TTLL4: variants seen among roughly 807,000 people sequenced by gnomAD.
TTLL4 encodes tubulin tyrosine ligase like 4.
In TTLL4, 85 loss-of-function variants were observed where a neutral mutation model predicts 122.7. The observed-to-expected ratio is 0.69, with a 90% CI of 0.58 to 0.83. The LOEUF (loss-of-function observed/expected upper bound fraction) is 0.83. Among genes scored for constraint, TTLL4 ranks in the 40% least tolerant of loss-of-function variants. TTLL4 has a pLI of 0.00. For synonymous variants in TTLL4, 553 were observed against 563.0 expected (o/e 0.98, Z 0.25); for missense variants, 1,363 against 1,488.6 (o/e 0.92, Z 1.39).
At chr2:218,752,040 TG>T (rs1355935595) in intron 16 of TTLL4, among the ~76,000 whole-genome samples, 1 of 152,026 alleles carries the variant, frequency 6.6e-6, no homozygotes, top group Non-Finnish European at 1.5e-5. Context: ...CCCGAGTAGC[TG>T]GGATTAGAGG....
At chr2:218,749,946 A>T (rs1333973621) in intron 14 of TTLL4, 63 bp from the exon 15 acceptor site, 1 of 1,583,348 alleles carries the variant, frequency 6.3e-7, no homozygotes, top group Non-Finnish European at 8.6e-7. Flanking sequence ...CCTGAGTTGC[A>T]CATATGACCA....
chr2:218,747,948 C>G lies in TTLL4; in HGVS notation c.2379-157C>G, dbSNP rs1942893755. 1 of 1,206,104 alleles carries G rather than the reference C, an allele frequency of 8.3e-7. No homozygotes were observed. Among genetic ancestry groups the G allele is most frequent in the African/African-American group, 1.5e-5 (1 of 65,928 alleles). 74.7% of individuals were successfully genotyped at this position (1,206,104 alleles called of 1,614,324 possible). A position where few individuals can be genotyped will look rare whatever the true frequency, so the allele number is the denominator to read the frequency against. On this transcript the variant is annotated intron_variant, in intron 11 of 19. Coordinates refer to ENST00000392102, the MANE Select transcript of TTLL4 (RefSeq NM_014640.5). This position sits in a 1 kb window ranked among gnomAD's most constrained non-coding sequence, Gnocchi z 4.7. ...GGAGATGAGTTTAGCTGTGGTTTTT[C>G]AGAACTTTGCCAGTAGACACACTTC...
intron 18 of TTLL4, 131 bp downstream of exon 18, chr2:218,753,316 C>T (rs1485384585): frequency 2.1e-5 from 22 of 1,058,040 alleles, no homozygotes; most frequent in Non-Finnish European, 3.2e-5. Flanking sequence ...TTCTGTCTCA[C>T]CATTCTTTCC....
chr2:218,716,654 T>G (rs897939377), intron 1 of TTLL4, among the ~76,000 whole-genome samples: 1 of 152,020 alleles, frequency 6.6e-6, no homozygotes, highest in African/African-American at 2.4e-5. Context: ...CCGGGCGTGG[T>G]AGTAAGTGCC....
At chr2:218,719,104 C>CA (rs1330474820) in intron 1 of TTLL4, among the ~76,000 whole-genome samples, 1 of 152,002 alleles carries the variant, frequency 6.6e-6, no homozygotes, top group Admixed American at 6.6e-5. Context: ...GTTTCTAAGT[C>CA]AATTTTTTAA....
At chr2:218,749,045 G>A in intron 13 of TTLL4, 111 bp downstream of exon 13, 2 of 1,345,046 alleles carry the variant, frequency 1.5e-6, no homozygotes, top group Non-Finnish European at 2.1e-6. Flanking sequence ...TTGGTTTTAA[G>A]GACAGAGAAT....
At chr2:218,756,371 G>A (rs934079902), downstream of TTLL4, among the ~76,000 whole-genome samples, 3 of 152,110 alleles carry the variant, frequency 2.0e-5, no homozygotes, top group African/African-American at 7.2e-5. Flanking sequence ...GAAGGACTTA[G>A]GAAATTAAGT....
chr2:218,715,630 C>CT (rs869275078), intron 1 of TTLL4, among the ~76,000 whole-genome samples: 192 of 147,836 alleles, frequency 1.3e-3, no homozygotes, highest in Non-Finnish European at 1.8e-3. Flanking sequence ...GAATGATAAT[C>CT]TTTTTTTTTT....
chr2:218,730,933 A>G (rs896363735), intron 2 of TTLL4, among the ~76,000 whole-genome samples: 2 of 151,856 alleles, frequency 1.3e-5, no homozygotes, highest in Non-Finnish European at 2.9e-5. Flanking sequence ...GTGGAACTCT[A>G]TTGCTATAAA....
chr2:218,754,235 C>G lies in TTLL4; in HGVS notation c.3446C>G (p.Pro1149Arg). The G allele has an allele frequency of 6.2e-7, 1 of 1,614,202 alleles. No individual in the cohort carries two copies. Among genetic ancestry groups the G allele is most frequent in the Non-Finnish European group, 8.5e-7 (1 of 1,180,050 alleles). The change falls in exon 20 of 20, where the codon CCC becomes CGC. Residue 1149 changes from proline to arginine, a missense_variant. Around this residue, in one of 3 missense-constraint regions of TTLL4, gnomAD observed 596 missense variants for 655.8 expected, o/e 0.91. Transcript: ENST00000392102. Reference sequence around the variant, plus strand: ...GGCCTTTCCCCTTATCCCCAGAAACCCAGTTCCTCAAAGGACAGTGAGGAC... The same window carrying G: ...GGCCTTTCCCCTTATCCCCAGAAACGCAGTTCCTCAAAGGACAGTGAGGAC... ...QAGLSPYPQK[P>R]SSSKDSEDTS...
chr2:218,755,739 G>T (rs2106469549), downstream of TTLL4, among the ~76,000 whole-genome samples: 1 of 152,260 alleles, frequency 6.6e-6, no homozygotes, highest in Admixed American at 6.5e-5. Context: ...TCAGCTACTT[G>T]GTCTCACCCT....
chr2:218,756,309 GAA>G (rs1943150584), downstream of TTLL4, among the ~76,000 whole-genome samples: 1 of 152,122 alleles, frequency 6.6e-6, no homozygotes, highest in South Asian at 2.1e-4. Context: ...ACTGGAGAGG[GAA>G]CCAGCATTGC....
At chr2:218,720,989 A>G (rs1165484509) in intron 1 of TTLL4, among the ~76,000 whole-genome samples, 2 of 152,168 alleles carry the variant, frequency 1.3e-5, no homozygotes, top group Admixed American at 1.3e-4. Context: ...TAAAAACCCA[A>G]AAGGACAGGG....
At chr2:218,712,631 C>T (rs964040818) in intron 1 of TTLL4, among the ~76,000 whole-genome samples, 2 of 152,090 alleles carry the variant, frequency 1.3e-5, no homozygotes, top group Non-Finnish European at 2.9e-5. Flanking sequence ...TCGTGATTCA[C>T]CCGCCTCGGC....
At chr2:218,753,691 G>C in intron 19 of TTLL4, 22 bp downstream of exon 19, 1 of 1,613,074 alleles carries the variant, frequency 6.2e-7, no homozygotes, top group Non-Finnish European at 8.5e-7. Context: ...CTGGGCAAGG[G>C]AGGGGCTGCT....
intron 2 of TTLL4, among the ~76,000 whole-genome samples, chr2:218,734,137 A>G (rs1942452844): frequency 6.6e-6 from 1 of 152,196 alleles, no homozygotes; most frequent in Admixed American, 6.5e-5. Flanking sequence ...AGGCACTGCT[A>G]CTTATTGGTT....
rs1943123395 is a variant in TTLL4, at chr2:218,754,992, C to T, written c.*603C>T. 6.5e-6 allele frequency: 1 copy of T among 154,828 alleles called. No individual in the cohort carries two copies. The highest frequency in any genetic ancestry group is 6.3e-5 in the Admixed American group (1 of 15,780). 9.6% of individuals were successfully genotyped at this position (154,828 alleles called of 1,614,324 possible). A position where few individuals can be genotyped will look rare whatever the true frequency, so the allele number is the denominator to read the frequency against. ...TCCAAATACCCACCCTGCCAGCAGC[C>T]CTAGGTCTTCCTGTTCTGACCCCCC... On this transcript the variant is annotated 3_prime_UTR_variant, in exon 20 of 20. Transcript: ENST00000392102.
Position 218,738,962 on chromosome 2 carries a change from G to T in TTLL4, c.1286G>T (p.Ser429Ile). The change falls in exon 3 of 20, where the codon AGT (serine) becomes ATT (isoleucine). Residue 429 changes from serine to isoleucine, a missense_variant. Transcript: ENST00000392102. ...ISIHLLASHA[S>I]GLNHNPACES... ...ATTCACCTCCTTGCCTCACATGCCAGTGGGCTCAATCACAACCCTGCCTGT... is the reference window on the plus strand; with the variant it reads ...ATTCACCTCCTTGCCTCACATGCCATTGGGCTCAATCACAACCCTGCCTGT... 1 of 1,614,210 alleles carries T rather than the reference G, an allele frequency of 6.2e-7. No individual in the cohort carries two copies.
Position 218,738,957 on chromosome 2 carries a change from T to TG in TTLL4, c.1282dup (p.Ala428GlyfsTer11). ...TCAGCATTCACCTCCTTGCCTCACA[T>TG]GCCAGTGGGCTCAATCACAACCCTG... On this transcript the variant is annotated frameshift_variant, in exon 3 of 20. Coordinates refer to ENST00000392102, the MANE Select transcript of TTLL4 (RefSeq NM_014640.5). LOFTEE classifies it high-confidence loss of function. 6.2e-7 allele frequency: 1 copy of TG among 1,614,218 alleles called. No homozygotes were observed. The highest frequency in any genetic ancestry group is 8.5e-7 in the Non-Finnish European group (1 of 1,180,040).
Sources: gnomAD v4.1 joint callset for allele counts (sites outside exome capture counted in the v4.1 genomes callset) on GRCh38, gnomAD v4.1.1 for gene constraint, gnomAD v4.1.1 regional missense constraint, Gnocchi (gnomAD v3.1) non-coding constraint, MANE v1.5 for transcripts, NCBI Gene and HGNC (gene_info 2026-07-23, HGNC 2026-07-21) for gene names.